Variants in CHRM3 observed in about 807,000 individuals in gnomAD.
The protein encoded by CHRM3 is muscarinic acetylcholine receptor M3.
In CHRM3, 11 loss-of-function variants were observed where a neutral mutation model predicts 41.8. That is an observed-to-expected ratio of 0.26 (90% CI 0.17 to 0.44). The LOEUF (loss-of-function observed/expected upper bound fraction) is 0.44, where lower values mean the gene tolerates loss of function less well. Among genes scored for constraint, CHRM3 ranks in the 20% least tolerant of loss-of-function variants. The pLI is 1.00. For missense variants in CHRM3, 571 were observed against 745.4 expected (o/e 0.77, Z 2.72); for synonymous variants, 297 against 301.4 (o/e 0.99, Z 0.15).
rs1231974959 is a variant in CHRM3 at position 239,387,589 on chromosome 1, C to G, written c.-521+362C>G. 2.6e-5 allele frequency among the ~76,000 whole-genome samples: 4 copies of G among 152,176 alleles called. 1 individual carries two copies. Among genetic ancestry groups the G allele is most frequent in the African/African-American group, 9.6e-5 (4 of 41,534 alleles). ...CTCTCCCTCGCTTCGATTCTCTCTT[C>G]GCCACTGCCGGATCTGAGGCTCCAA... On this transcript the variant is annotated intron_variant, in intron 1 of 6. Transcript: ENST00000676153. This position sits in a 1 kb window ranked among gnomAD's most constrained non-coding sequence, Gnocchi z 5.1.
chr1:239,657,912 C>A (rs1040927584), intron 4 of CHRM3, among the ~76,000 whole-genome samples: 2 of 151,896 alleles, frequency 1.3e-5, no homozygotes, highest in African/African-American at 4.8e-5. Flanking sequence ...ATTACAATTG[C>A]AAGTTTTAAT....
intron 6 of CHRM3, among the ~76,000 whole-genome samples, chr1:239,833,003 C>T (rs1049532550): frequency 1.3e-5 from 2 of 152,106 alleles, no homozygotes; most frequent in Non-Finnish European, 2.9e-5. Context: ...TCCCAGCCCT[C>T]ATTCAAGATG....
intron 3 of CHRM3, among the ~76,000 whole-genome samples, chr1:239,599,911 G>A (rs1665297102): frequency 6.6e-6 from 1 of 152,148 alleles, no homozygotes; most frequent in Admixed American, 6.6e-5. Flanking sequence ...CAAAAAAATT[G>A]TGTTGGATCA....
intron 4 of CHRM3, among the ~76,000 whole-genome samples, chr1:239,645,938 C>A (rs1223794760): frequency 2.6e-5 from 4 of 151,374 alleles, no homozygotes; most frequent in Non-Finnish European, 4.4e-5. Context: ...TGAGAGAGTT[C>A]TTGGGCTTAC....
intron 3 of CHRM3, among the ~76,000 whole-genome samples, chr1:239,552,754 G>A (rs950149199): frequency 6.6e-6 from 1 of 151,222 alleles, no homozygotes; most frequent in African/African-American, 2.4e-5. Flanking sequence ...GCATCCCAAG[G>A]TTTTGGGATT....
At chr1:239,458,759 A>C (rs1665144877) in intron 1 of CHRM3, among the ~76,000 whole-genome samples, 1 of 152,172 alleles carries the variant, frequency 6.6e-6, no homozygotes, top group Non-Finnish European at 1.5e-5. Flanking sequence ...TCACTGCATA[A>C]GATCCTCATC....
In CHRM3 at chr1:239,712,309, A is replaced by G. The variant is rs554894635; in HGVS notation, c.-147+34021A>G. Among the ~76,000 whole-genome samples the G allele has an allele frequency of 2.4e-4, 37 of 152,272 alleles. No homozygotes were observed. In the South Asian group the frequency reaches 2.7e-3, roughly 11 times the overall value. ...GAATGACTTCGTTGGTTTGTGAGCT[A>G]TTTTGATTTTGCTTTTGTCCTTTAC... On this transcript the variant is annotated intron_variant, in intron 5 of 6. Coordinates refer to ENST00000676153, the MANE Select transcript of CHRM3 (RefSeq NM_001375978.1).
Position 239,438,625 on chromosome 1 carries a change from C to T in CHRM3, c.-521+51398C>T, listed in dbSNP as rs140269296. Among the ~76,000 whole-genome samples, 1,040 of 152,048 alleles carry T rather than the reference C, an allele frequency of 6.8e-3. 9 individuals carry two copies. Among genetic ancestry groups the T allele is most frequent in the Middle Eastern group, 0.027 (8 of 294 alleles). On this transcript the variant is annotated intron_variant, in intron 1 of 6. Coordinates refer to ENST00000676153, the MANE Select transcript of CHRM3 (RefSeq NM_001375978.1). ...CTGTGAGTTTGGCAGGGCTATTGTGCGATTATTTTTGAGATTTGGGAGGCT... is the reference window on the plus strand; with the variant it reads ...CTGTGAGTTTGGCAGGGCTATTGTGTGATTATTTTTGAGATTTGGGAGGCT...
intron 3 of CHRM3, chr1:239,546,391 T>C (rs1659304259): frequency 6.6e-6 from 1 of 152,120 alleles, no homozygotes; most frequent in African/African-American, 2.4e-5. Context: ...AGGTAACGGA[T>C]GTGAAATTAT....
At chr1:239,535,524 T>C (rs1658108685) in intron 2 of CHRM3, among the ~76,000 whole-genome samples, 2 of 150,000 alleles carry the variant, frequency 1.3e-5, no homozygotes, top group African/African-American at 4.9e-5. Context: ...CCTGTGTTTT[T>C]GGCACCCCAT....
intron 1 of CHRM3, among the ~76,000 whole-genome samples, chr1:239,404,472 G>C (rs6674321): frequency 5.7e-5 from 8 of 140,672 alleles, no homozygotes; most frequent in African/African-American, 2.2e-4. Flanking sequence ...GAAAGAAAAA[G>C]AAAGAAAGAA....
intron 2 of CHRM3, among the ~76,000 whole-genome samples, chr1:239,521,714 T>C (rs1669651430): frequency 6.6e-6 from 1 of 152,062 alleles, no homozygotes; most frequent in South Asian, 2.1e-4. Flanking sequence ...CAGCCTTCCA[T>C]ACCCACAGAT....
chr1:239,716,758 A>T (rs1009969935), intron 5 of CHRM3, among the ~76,000 whole-genome samples: 1 of 152,012 alleles, frequency 6.6e-6, no homozygotes, highest in African/African-American at 2.4e-5. Context: ...ACTTTAAAAA[A>T]CCTTGCTAGA....
At chr1:239,863,963 A>G (rs983769585) in intron 6 of CHRM3, among the ~76,000 whole-genome samples, 4 of 152,142 alleles carry the variant, frequency 2.6e-5, no homozygotes, top group Admixed American at 2.0e-4. Flanking sequence ...TGGTTTGCCA[A>G]TGTGAAACTT....
In CHRM3 at chr1:239,576,594, G is replaced by GCGCA. The variant is rs1553331606; in HGVS notation, c.-313+30846_-313+30847insGCAC. 6.4e-3 allele frequency among the ~76,000 whole-genome samples: 912 copies of GCGCA among 141,780 alleles called. 6 individuals carry two copies. Among genetic ancestry groups the GCGCA allele is most frequent in the Middle Eastern group, 7.1e-3 (2 of 280 alleles). The allele number at this position is 141,780 out of a possible 152,430, so 93.0% of individuals were successfully genotyped here. ...CATCTCTACACACACACACACACAC[G>GCGCA]CACACACACACACACACACACACAC... On this transcript the variant is annotated intron_variant, in intron 3 of 6. Coordinates refer to ENST00000676153, the MANE Select transcript of CHRM3 (RefSeq NM_001375978.1).
intron 1 of CHRM3, among the ~76,000 whole-genome samples, chr1:239,411,703 C>G (rs144300476): frequency 9.2e-6 from 1 of 108,164 alleles, no homozygotes; most frequent in Non-Finnish European, 1.7e-5. Context: ...CCAGCCTGGG[C>G]GACAGAGCCT....
chr1:239,859,934 A>G (rs1675499378), intron 6 of CHRM3, among the ~76,000 whole-genome samples: 1 of 151,514 alleles, frequency 6.6e-6, no homozygotes, highest in Non-Finnish European at 1.5e-5. Flanking sequence ...ACCAAAGAGA[A>G]CAAGCATGTC....
intron 1 of CHRM3, among the ~76,000 whole-genome samples, chr1:239,392,110 C>T (rs1179932862): frequency 2.0e-5 from 3 of 152,210 alleles, no homozygotes; most frequent in Non-Finnish European, 2.9e-5. Flanking sequence ...CAGTCAGCCT[C>T]GCCCTTGCCA....
At chr1:239,486,474 T>G (rs1257415045) in intron 1 of CHRM3, among the ~76,000 whole-genome samples, 1 of 152,158 alleles carries the variant, frequency 6.6e-6, no homozygotes, top group Non-Finnish European at 1.5e-5. Flanking sequence ...TTGAGTTCTT[T>G]TCTGTCTGTG....
Sources: gnomAD v4.1 joint callset for allele counts (sites outside exome capture counted in the v4.1 genomes callset) on GRCh38, gnomAD v4.1.1 for gene constraint, Gnocchi (gnomAD v3.1) non-coding constraint, MANE v1.5 for transcripts, NCBI Gene and HGNC (gene_info 2026-07-23, HGNC 2026-07-21) for gene names.